The following SELENON variants were observed in gnomAD, a reference collection of about 807,000 sequenced individuals.
The protein encoded by SELENON is selenoprotein N, 1.
SELENON carries 44 observed loss-of-function variants against 59.5 expected under a neutral mutation model. The observed-to-expected ratio is 0.74, with a 90% CI of 0.58 to 0.95. The LOEUF (loss-of-function observed/expected upper bound fraction) is 0.95. Ranked by LOEUF, SELENON falls within the 40% of genes least tolerant of loss-of-function variation. The pLI is 0.00. For synonymous variants in SELENON, 320 were observed against 305.6 expected (o/e 1.05, Z -0.49); for missense variants, 674 against 721.4 (o/e 0.93, Z 0.75).
intron 12 of SELENON, among the ~76,000 whole-genome samples, chr1:25,814,982 A>G (rs540192806): frequency 6.6e-6 from 1 of 152,244 alleles, no homozygotes; most frequent in African/African-American, 2.4e-5. Flanking sequence ...AAGGGTGATG[A>G]GATGGTGTCG....
intron 7 of SELENON, among the ~76,000 whole-genome samples, chr1:25,810,094 C>T (rs1255724557): frequency 6.6e-6 from 1 of 152,204 alleles, no homozygotes; most frequent in East Asian, 1.9e-4. Flanking sequence ...GCTGGGCCTC[C>T]CCGCCCTCAT....
chr1:25,809,934 C>T (rs1390406101), intron 7 of SELENON, 114 bp downstream of exon 6: 2 of 1,356,090 alleles, frequency 1.5e-6, no homozygotes, highest in Non-Finnish European at 2.1e-6. Context: ...CTCCCCAGAG[C>T]CCATCTCATG....
At chr1:25,812,296 A>G (rs1294156623) in intron 9 of SELENON, among the ~76,000 whole-genome samples, 2 of 152,042 alleles carry the variant, frequency 1.3e-5, no homozygotes, top group African/African-American at 4.8e-5. Context: ...GCAATGAGCT[A>G]TGATTGCGCC....
rs938990836 is a variant in SELENON at position 25,807,162 on chromosome 1, C to G, written c.538-1418C>G. The stretch of plus-strand genomic sequence containing the variant: ...CCGGGAGCCCCTTTCTTAACCTCAT[C>G]GCTGCAGGTTCAGGGAGGGACAGAA... On this transcript the variant is annotated intron_variant, in intron 4 of 12. Coordinates refer to ENST00000361547, the MANE Select transcript of SELENON (RefSeq NM_020451.3). This position sits in a 1 kb window ranked among gnomAD's most constrained non-coding sequence, Gnocchi z 4.5. 6.6e-6 allele frequency among the ~76,000 whole-genome samples: 1 copy of G among 152,074 alleles called. No individual in the cohort carries two copies. Among genetic ancestry groups the G allele is most frequent in the African/African-American group, 2.4e-5 (1 of 41,408 alleles).
At chr1:25,806,608 A>G (rs6675604) in intron 4 of SELENON, among the ~76,000 whole-genome samples, 127,026 of 151,860 alleles carry the variant, frequency 0.84, 53,493 homozygotes, top group East Asian at 0.98. Context: ...GGAGTAGGGG[A>G]TAGAGAATGA....
intron 4 of SELENON, among the ~76,000 whole-genome samples, chr1:25,806,462 G>A (rs2047908236): frequency 6.6e-6 from 1 of 152,190 alleles, no homozygotes; most frequent in Non-Finnish European, 1.5e-5. Flanking sequence ...GGGCAGCCTG[G>A]AGGATGCTGG....
rs761355976 is a variant in SELENON at position 25,808,786 on chromosome 1, G to A, written c.744G>A (p.Lys248=). 35 of 1,613,594 alleles carry A rather than the reference G, an allele frequency of 2.2e-5. No individual in the cohort carries two copies. Among genetic ancestry groups the A allele is most frequent in the Non-Finnish European group, 2.8e-5 (33 of 1,179,934 alleles). Residue 248 remains lysine, a synonymous_variant, in exon 5 of 13, where the codon AAG becomes AAA. Transcript: ENST00000361547. ...TCTATCCACCGCCGCCCAAGGGCAA[G>A]GAGGTGAGGACAGCTGGGGTGCGAC...
rs2048005705 is a variant in SELENON, at chr1:25,815,734, T to A, written c.*16T>A. 1.2e-6 allele frequency: 2 copies of A among 1,612,888 alleles called. No individual in the cohort carries two copies. The highest frequency in any genetic ancestry group is 2.7e-5 in the African/African-American group (2 of 74,920). On this transcript the variant is annotated 3_prime_UTR_variant, in exon 13 of 13. Transcript: ENST00000361547. ...CCAGCCCTAGAGTGCCTGGACGGGA[T>A]CTGATGCACAGGCCCCCACGCCTCA...
chr1:25,804,768 G>A (rs746742150), intron 3 of SELENON, among the ~76,000 whole-genome samples: 1 of 150,954 alleles, frequency 6.6e-6, no homozygotes, highest in Admixed American at 6.7e-5. Context: ...TCATTACTCC[G>A]GTTCCCTTGA....
In SELENON at chr1:25,812,784, C is replaced by G. The variant is rs767530943; in HGVS notation, c.1379C>G (p.Ser460Cys). 3.1e-6 allele frequency: 5 copies of G among 1,612,244 alleles called. No homozygotes were observed. The highest frequency in any genetic ancestry group is 4.2e-6 in the Non-Finnish European group (5 of 1,178,982). Residue 460 changes from serine to cysteine, a missense_variant, in exon 10 of 13, where the codon TCC becomes TGC. Transcript: ENST00000361547. ...CTGTGGGGGGCCCTGGATGACCAGT[C>G]CTGCTGAGGTGAGGGGCCCGGCTGG...
chr1:25,810,520 T>TGCAGTTAAGTC (rs1553120314), intron 7 of SELENON, among the ~76,000 whole-genome samples: 1 of 152,218 alleles, frequency 6.6e-6, no homozygotes, highest in African/African-American at 2.4e-5. Context: ...CCAGGAGGTC[T>TGCAGTTAAGTC]GCAGTTAAGT....
In SELENON at chr1:25,800,358, C is replaced by CCGCCGCCGT. The variant is rs2047850242; in HGVS notation, c.130_138dup (p.Ala44_Val46dup). On this transcript the variant is annotated inframe_insertion, in exon 1 of 13. Transcript: ENST00000361547. The stretch of plus-strand genomic sequence containing the variant: ...GGAGCCCTGCTGGCCGCCGCCGCTG[C>CCGCCGCCGT]CGCCGCCGTCCGGGTCTGCGCCCGC... 9.4e-7 allele frequency: 1 copy of CCGCCGCCGT among 1,060,884 alleles called. No individual in the cohort carries two copies. The highest frequency in any genetic ancestry group is 1.7e-5 in the African/African-American group (1 of 58,594). 65.7% of individuals were successfully genotyped at this position (1,060,884 alleles called of 1,614,324 possible). A position where few individuals can be genotyped will look rare whatever the true frequency, so the allele number is the denominator to read the frequency against.
chr1:25,806,838 T>C (rs1572231244), intron 4 of SELENON, among the ~76,000 whole-genome samples: 1 of 148,576 alleles, frequency 6.7e-6, no homozygotes, highest in African/African-American at 2.5e-5. Context: ...TTTTTTTTTT[T>C]TGGGACGGAG....
chr1:25,814,094 G>A lies in SELENON; in HGVS notation c.1518G>A (p.Ser506=), dbSNP rs751872810. The stretch of plus-strand genomic sequence containing the variant: ...CCCCACAGAACAACCAGGAGAACTC[G>A]TCCCACCAGAAGCTGGCTGGCCTGC... The change falls in exon 12 of 13, where the codon TCG becomes TCA. Residue 506 remains serine, a synonymous_variant. Coordinates refer to ENST00000361547, the MANE Select transcript of SELENON (RefSeq NM_020451.3). 22 of 1,614,012 alleles carry A rather than the reference G, an allele frequency of 1.4e-5. No individual in the cohort carries two copies. Among genetic ancestry groups the A allele is most frequent in the East Asian group, 1.1e-4 (5 of 44,890 alleles).
In SELENON at chr1:25,815,749, C is replaced by T; in HGVS notation, c.*31C>T. 6.2e-7 allele frequency: 1 copy of T among 1,610,990 alleles called. No individual in the cohort carries two copies. Among genetic ancestry groups the T allele is most frequent in the Non-Finnish European group, 8.5e-7 (1 of 1,179,348 alleles). ...CTGGACGGGATCTGATGCACAGGCCCCCACGCCTCAGAGCCAGAGTGGTCC... is the reference window on the plus strand; with the variant it reads ...CTGGACGGGATCTGATGCACAGGCCTCCACGCCTCAGAGCCAGAGTGGTCC... On this transcript the variant is annotated 3_prime_UTR_variant, in exon 13 of 13. Coordinates refer to ENST00000361547, the MANE Select transcript of SELENON (RefSeq NM_020451.3).
intron 4 of SELENON, among the ~76,000 whole-genome samples, chr1:25,808,107 G>A (rs1315898647): frequency 3.9e-5 from 6 of 152,240 alleles, no homozygotes; most frequent in Non-Finnish European, 4.4e-5. Context: ...GTCCCTGGGA[G>A]GAGACTTGGA....
intron 12 of SELENON, 140 bp from the exon 12 acceptor site, chr1:25,815,408 A>G: frequency 1.4e-6 from 1 of 732,180 alleles, no homozygotes; most frequent in Non-Finnish European, 2.3e-6. Context: ...GGCTTACGGC[A>G]GCACTGCCTG....
intron 3 of SELENON, among the ~76,000 whole-genome samples, chr1:25,803,039 T>C (rs960754447): frequency 1.3e-5 from 2 of 152,048 alleles, no homozygotes. Flanking sequence ...AGGAGGAAGG[T>C]TGGATGAAAA....
chr1:25,804,675 A>AG (rs2047890448), intron 3 of SELENON, among the ~76,000 whole-genome samples: 4 of 134,498 alleles, frequency 3.0e-5, no homozygotes, highest in African/African-American at 1.1e-4. Flanking sequence ...AAAAAAAAAA[A>AG]GCAGGGGAAA....
Sources: gnomAD v4.1 joint callset for allele counts (sites outside exome capture counted in the v4.1 genomes callset) on GRCh38, gnomAD v4.1.1 for gene constraint, Gnocchi (gnomAD v3.1) non-coding constraint, MANE v1.5 for transcripts, NCBI Gene and HGNC (gene_info 2026-07-23, HGNC 2026-07-21) for gene names.